Variants in KLHL1 observed in about 807,000 individuals in gnomAD.
KLHL1 encodes the protein kelch like family member 1.
Under a neutral mutation model 77.7 loss-of-function variants are expected in KLHL1, and 47 were observed. The observed-to-expected ratio is 0.60, with a 90% CI of 0.48 to 0.77. The LOEUF (loss-of-function observed/expected upper bound fraction) is 0.77. Ranked by LOEUF, KLHL1 falls within the 30% of genes least tolerant of loss-of-function variation. KLHL1 has a pLI of 0.00. For synonymous variants in KLHL1, 360 were observed against 325.2 expected (o/e 1.11, Z -1.15); for missense variants, 925 against 910.8 (o/e 1.02, Z -0.20).
In KLHL1 at chr13:69,744,505, A is replaced by G. The variant is rs1377603018; in HGVS notation, c.1640-3949T>C. On this transcript the variant is annotated intron_variant, in intron 7 of 10. Coordinates refer to ENST00000377844, the MANE Select transcript of KLHL1 (RefSeq NM_020866.3). The stretch of plus-strand genomic sequence containing the variant: ...AAGTATAATATATATATATTACATT[A>G]ATATACAATATATAAATACATATTA... Among the ~76,000 whole-genome samples the G allele has an allele frequency of 2.0e-5, 3 of 150,306 alleles. No individual in the cohort carries two copies. The East Asian group carries it at 5.8e-4, about 29-fold the overall frequency.
intron 1 of KLHL1, among the ~76,000 whole-genome samples, chr13:70,089,840 T>G (rs1887631990): frequency 1.3e-5 from 2 of 152,114 alleles, no homozygotes; most frequent in Admixed American, 1.3e-4. Context: ...ACTTCCTACT[T>G]ATAGCTAAGA....
At chr13:70,076,386 TC>T (rs1315007759) in intron 1 of KLHL1, among the ~76,000 whole-genome samples, 1 of 84,932 alleles carries the variant, frequency 1.2e-5, no homozygotes. Flanking sequence ...GAAAGGATAA[TC>T]TTTTTTTTTT....
chr13:69,850,491 T>C (rs1199433769), intron 5 of KLHL1, among the ~76,000 whole-genome samples: 1 of 151,570 alleles, frequency 6.6e-6, no homozygotes, highest in African/African-American at 2.4e-5. Flanking sequence ...ACCCTTCCAT[T>C]TCACTACTCC....
chr13:70,007,119 G>T (rs1005025618), intron 1 of KLHL1, among the ~76,000 whole-genome samples: 1 of 151,902 alleles, frequency 6.6e-6, no homozygotes, highest in African/African-American at 2.4e-5. Context: ...CTGTTGGAAA[G>T]TTAATCTCAA....
intron 1 of KLHL1, among the ~76,000 whole-genome samples, chr13:70,081,078 C>CT (rs146447708): frequency 0.012 from 1,806 of 152,226 alleles, 19 homozygotes; most frequent in Non-Finnish European, 0.019. Context: ...ATGCCATGTC[C>CT]TTTAAAACAC....
intron 5 of KLHL1, among the ~76,000 whole-genome samples, chr13:69,872,775 G>A (rs1288128215): frequency 6.6e-6 from 1 of 152,114 alleles, no homozygotes; most frequent in Non-Finnish European, 1.5e-5. Context: ...ACAGTGGGAG[G>A]GGCAAGGCTC....
chr13:69,917,426 A>G (rs192795000), intron 4 of KLHL1, among the ~76,000 whole-genome samples: 62 of 152,234 alleles, frequency 4.1e-4, no homozygotes, highest in Admixed American at 2.8e-3. Flanking sequence ...TAAACTGCCT[A>G]TAAAACTGAC....
At chr13:69,701,849 CATAA>C in intron 10 of KLHL1, 88 bp from the exon 11 acceptor site, 4 of 962,156 alleles carry the variant, frequency 4.2e-6, no homozygotes, top group Non-Finnish European at 6.2e-6. Flanking sequence ...ACATGAAAAT[CATAA>C]ATAAATGTGC....
Position 70,015,783 on chromosome 13 carries a change from T to C in KLHL1, c.498-39981A>G, listed in dbSNP as rs540835572. Among the ~76,000 whole-genome samples, 6 of 152,314 alleles carry C rather than the reference T, an allele frequency of 3.9e-5. No individual in the cohort carries two copies. The East Asian group carries it at 1.2e-3, about 29-fold the overall frequency. ...AACTTATGATATTTCAAATTTATGA[T>C]GGGTTTACTGGACATAATCCCATTA... On this transcript the variant is annotated intron_variant, in intron 1 of 10. Coordinates refer to ENST00000377844, the MANE Select transcript of KLHL1 (RefSeq NM_020866.3).
At chr13:69,852,398 C>T (rs761676481) in intron 5 of KLHL1, among the ~76,000 whole-genome samples, 1 of 151,870 alleles carries the variant, frequency 6.6e-6, no homozygotes, top group Non-Finnish European at 1.5e-5. Context: ...TTCAGGACAG[C>T]AATTGAAGAG....
At position 69,973,801 on chromosome 13, in the gene KLHL1, A is replaced by C. The variant is rs1017256149; in HGVS notation, c.680+1819T>G. Among the ~76,000 whole-genome samples the C allele has an allele frequency of 2.6e-5, 4 of 152,104 alleles. No homozygotes were observed. The East Asian group carries it at 7.7e-4, about 29-fold the overall frequency. On this transcript the variant is annotated intron_variant, in intron 2 of 10. Coordinates refer to ENST00000377844, the MANE Select transcript of KLHL1 (RefSeq NM_020866.3). ...CTAAGATGTACATTACTTGTAAAAT[A>C]ATTAGTACTAAAGTTTTAAACTATA...
intron 9 of KLHL1, among the ~76,000 whole-genome samples, chr13:69,708,316 G>A (rs1280818516): frequency 6.6e-6 from 1 of 151,824 alleles, no homozygotes; most frequent in Non-Finnish European, 1.5e-5. Flanking sequence ...TTTGTTTTTT[G>A]TTTTAATGCA....
intron 4 of KLHL1, among the ~76,000 whole-genome samples, chr13:69,891,984 A>G (rs551145344): frequency 6.6e-6 from 1 of 152,116 alleles, no homozygotes; most frequent in Non-Finnish European, 1.5e-5. Context: ...TTTCTCAAAT[A>G]TGTTAATTAC....
At chr13:69,949,183 C>T (rs1883625545) in intron 3 of KLHL1, among the ~76,000 whole-genome samples, 1 of 151,630 alleles carries the variant, frequency 6.6e-6, no homozygotes, top group African/African-American at 2.4e-5. Flanking sequence ...ATGTGTACTT[C>T]CTTTACATTC....
At chr13:70,051,235 C>A (rs118173146) in intron 1 of KLHL1, among the ~76,000 whole-genome samples, 1 of 151,860 alleles carries the variant, frequency 6.6e-6, no homozygotes, top group Non-Finnish European at 1.5e-5. Flanking sequence ...TTTATTTAAT[C>A]GTAATTAGTA....
At chr13:69,841,930 C>G (rs1031005541) in intron 5 of KLHL1, among the ~76,000 whole-genome samples, 1 of 151,780 alleles carries the variant, frequency 6.6e-6, no homozygotes, top group Non-Finnish European at 1.5e-5. Flanking sequence ...CAAGAACTTA[C>G]ACTTGGGAAA....
At chr13:69,909,743 T>C (rs911118606) in intron 4 of KLHL1, among the ~76,000 whole-genome samples, 7 of 152,122 alleles carry the variant, frequency 4.6e-5, no homozygotes, top group Non-Finnish European at 7.4e-5. Context: ...AACTGTATAC[T>C]CTGAATTTAT....
intron 6 of KLHL1, among the ~76,000 whole-genome samples, chr13:69,823,709 T>C (rs1421940364): frequency 1.3e-5 from 2 of 152,084 alleles, no homozygotes; most frequent in East Asian, 1.9e-4. Context: ...TTCCCCACAC[T>C]ACATGGATAC....
chr13:69,870,825 G>A (rs1226105553), intron 5 of KLHL1, among the ~76,000 whole-genome samples: 1 of 151,876 alleles, frequency 6.6e-6, no homozygotes, highest in Non-Finnish European at 1.5e-5. Flanking sequence ...CCGGCACCTG[G>A]GGCACACTAG....
Sources: gnomAD v4.1 joint callset for allele counts (sites outside exome capture counted in the v4.1 genomes callset) on GRCh38, gnomAD v4.1.1 for gene constraint, MANE v1.5 for transcripts, NCBI Gene and HGNC (gene_info 2026-07-23, HGNC 2026-07-21) for gene names.